Variants in SEM1 observed in about 807,000 individuals in gnomAD.
SEM1 encodes 26S proteasome complex subunit SEM1.
SEM1 carries 3 observed loss-of-function variants against 12.7 expected under a neutral mutation model. That is an observed-to-expected ratio of 0.24 (90% CI 0.11 to 0.61). SEM1 has a LOEUF of 0.61. Ranked by LOEUF, SEM1 falls within the 20% of genes least tolerant of loss-of-function variation. SEM1 has a pLI of 0.88. For synonymous variants in SEM1, 30 were observed against 27.8 expected (o/e 1.08, Z -0.25); for missense variants, 59 against 81.3 (o/e 0.73, Z 1.06).
intron 2 of SEM1, among the ~76,000 whole-genome samples, chr7:96,664,719 A>G (rs937714450): frequency 1.3e-5 from 2 of 152,208 alleles, no homozygotes; most frequent in Non-Finnish European, 2.9e-5. Flanking sequence ...AAAGACACTT[A>G]CACACACACC....
chr7:96,625,224 A>G (rs1189300536), intron 2 of SEM1, among the ~76,000 whole-genome samples: 1 of 152,162 alleles, frequency 6.6e-6, no homozygotes, highest in African/African-American at 2.4e-5. Flanking sequence ...GTGCCAGCGC[A>G]TCTACAAGCA....
intron 2 of SEM1, among the ~76,000 whole-genome samples, chr7:96,528,734 C>T (rs890730979): frequency 6.6e-6 from 1 of 152,110 alleles, no homozygotes; most frequent in African/African-American, 2.4e-5. Context: ...AGACCCATTC[C>T]AGACCTACTG....
intron 2 of SEM1, among the ~76,000 whole-genome samples, chr7:96,596,501 G>A (rs541971360): frequency 3.8e-4 from 58 of 152,284 alleles, no homozygotes; most frequent in African/African-American, 1.1e-3. Context: ...TCAGGAGGCC[G>A]TGTGCATCTT....
At chr7:96,483,803 T>C in exon 4 of SEM1, 2 of 1,534,542 alleles carry the variant, frequency 1.3e-6, no homozygotes, top group South Asian at 2.4e-5. Flanking sequence ...GCATGTTTAC[T>C]TCAATAGATG....
intron 2 of SEM1, among the ~76,000 whole-genome samples, chr7:96,528,762 A>T (rs569476465): frequency 6.6e-6 from 1 of 152,268 alleles, no homozygotes; most frequent in African/African-American, 2.4e-5. Context: ...ATCTGCAGTC[A>T]TCAAGCTCTC....
exon 4 of SEM1, chr7:96,483,754 T>A (rs934456268): frequency 1.4e-6 from 2 of 1,411,646 alleles, no homozygotes; most frequent in Non-Finnish European, 1.9e-6. Context: ...AGTTCTACCA[T>A]GTGCCTTGAA....
At chr7:96,642,971 T>G (rs1290452839) in intron 2 of SEM1, among the ~76,000 whole-genome samples, 1 of 152,132 alleles carries the variant, frequency 6.6e-6, no homozygotes, top group African/African-American at 2.4e-5. Context: ...TATTTTAAGT[T>G]CAGAGGTACA....
At chr7:96,657,692 G>A (rs1563100799) in intron 2 of SEM1, among the ~76,000 whole-genome samples, 1 of 152,180 alleles carries the variant, frequency 6.6e-6, no homozygotes, top group Admixed American at 6.5e-5. Flanking sequence ...CAATATCTAG[G>A]TATTTCATGC....
intron 2 of SEM1, among the ~76,000 whole-genome samples, chr7:96,515,216 G>T (rs1367970506): frequency 1.3e-5 from 2 of 152,050 alleles, no homozygotes; most frequent in African/African-American, 4.8e-5. Flanking sequence ...ATGGGCAAAG[G>T]ATATGAACAG....
chr7:96,632,016 G>T (rs1210145326), intron 2 of SEM1, among the ~76,000 whole-genome samples: 2 of 152,146 alleles, frequency 1.3e-5, no homozygotes, highest in African/African-American at 4.8e-5. Flanking sequence ...ACCATCTCAT[G>T]CCAGTTAGAA....
At chr7:96,702,712 A>G (rs188271499) in intron 1 of SEM1, among the ~76,000 whole-genome samples, 1 of 152,360 alleles carries the variant, frequency 6.6e-6, no homozygotes, top group Admixed American at 6.5e-5. Flanking sequence ...TTAGGAAGGG[A>G]AAATTAGTAA....
chr7:96,596,898 A>G (rs1349343689), intron 2 of SEM1, among the ~76,000 whole-genome samples: 1 of 152,238 alleles, frequency 6.6e-6, no homozygotes, highest in Non-Finnish European at 1.5e-5. Context: ...TGTACATTTA[A>G]TAATTCCAAT....
chr7:96,602,826 C>T (rs1284595288), intron 2 of SEM1, among the ~76,000 whole-genome samples: 1 of 152,176 alleles, frequency 6.6e-6, no homozygotes, highest in African/African-American at 2.4e-5. Flanking sequence ...TTAATGGAAA[C>T]TTCCTCAATC....
At chr7:96,548,186 C>A (rs1422147959) in intron 2 of SEM1, among the ~76,000 whole-genome samples, 3 of 152,092 alleles carry the variant, frequency 2.0e-5, no homozygotes, top group Non-Finnish European at 4.4e-5. Flanking sequence ...TCTGAAAGAA[C>A]ATCCTATTTT....
intron 2 of SEM1, among the ~76,000 whole-genome samples, chr7:96,557,091 T>C (rs1432797981): frequency 6.9e-5 from 10 of 144,772 alleles, no homozygotes; most frequent in African/African-American, 2.0e-4. Flanking sequence ...TATACATTCT[T>C]CTACATTTTT....
rs1802749835 is a variant in SEM1, at chr7:96,486,177, TC to T, written c.227+25del. ...ATTTTTTTTCTACCTTTTTTTTTTT[TC>T]CTCCTGTGGCTGTCATCTGCTTACC... On this transcript the variant is annotated intron_variant, in intron 2 of 3. Coordinates refer to the SEM1 transcript ENST00000356686. The T allele has an allele frequency of 4.7e-6, 7 of 1,475,508 alleles. No individual in the cohort carries two copies. The African/African-American group carries it at 5.7e-5, about 12-fold the overall frequency. The allele number at this position is 1,475,508 out of a possible 1,614,324, so 91.4% of individuals were successfully genotyped here. A position where few individuals can be genotyped will look rare whatever the true frequency, so the allele number is the denominator to read the frequency against.
intron 2 of SEM1, among the ~76,000 whole-genome samples, chr7:96,485,010 C>T (rs1802696200): frequency 6.6e-6 from 1 of 152,188 alleles, no homozygotes; most frequent in Non-Finnish European, 1.5e-5. Context: ...GTATATAGCA[C>T]TGACATGGGT....
At chr7:96,543,804 C>T (rs759369554) in intron 2 of SEM1, among the ~76,000 whole-genome samples, 7 of 151,920 alleles carry the variant, frequency 4.6e-5, no homozygotes, top group Non-Finnish European at 1.0e-4. Context: ...TCAGAAAATC[C>T]ACATGCTTGG....
chr7:96,594,041 T>C (rs916358890), intron 2 of SEM1, among the ~76,000 whole-genome samples: 1 of 152,200 alleles, frequency 6.6e-6, no homozygotes, highest in African/African-American at 2.4e-5. Flanking sequence ...CATTTTAAGA[T>C]GTTGCATGCG....
Sources: allele counts gnomAD v4.1 joint callset (sites outside exome capture counted in the v4.1 genomes callset), GRCh38; gene constraint gnomAD v4.1.1; transcripts MANE v1.5; gene names NCBI Gene and HGNC (gene_info 2026-07-23, HGNC 2026-07-21).